Variants in MIB2 observed in about 807,000 individuals in gnomAD.
MIB2 encodes the protein E3 ubiquitin-protein ligase MIB2.
A neutral mutation model predicts 96.6 loss-of-function variants in MIB2; 78 were observed. That is an observed-to-expected ratio of 0.81 (90% CI 0.67 to 0.97). The LOEUF (loss-of-function observed/expected upper bound fraction) is 0.97, where lower values mean the gene tolerates loss of function less well. Ranked by LOEUF, MIB2 falls within the 50% of genes least tolerant of loss-of-function variation. The probability of loss-of-function intolerance (pLI) is 0.00; values close to 1 mark genes in which losing one functional copy is unlikely to be tolerated. For synonymous variants in MIB2, 820 were observed against 629.5 expected, an observed-to-expected ratio of 1.30 and a Z score of -4.53; for missense variants, 1,543 against 1,424.0, an observed-to-expected ratio of 1.08 and a Z score of -1.35.
chr1:1,627,412 G>A lies in MIB2; in HGVS notation c.1491G>A (p.Glu497=). ...ARAGVDLPDD[E]GNTALHYAAL... is the part of the protein sequence containing the mutation. ...CGGGCGTGGACCTGCCGGACGACGA[G>A]GGCAACACGGCACTGCACTACGCGG... Residue 497 remains glutamate, a synonymous_variant, in exon 12 of 20, where the codon GAG becomes GAA. Coordinates refer to ENST00000355826, the MANE Select transcript of MIB2 (RefSeq NM_001170687.4). 1 of 1,612,830 alleles carries A rather than the reference G, an allele frequency of 6.2e-7. No homozygotes were observed. The highest frequency in any genetic ancestry group is 8.5e-7 in the Non-Finnish European group (1 of 1,179,894).
intron 1 of MIB2, 47 bp downstream of exon 1, chr1:1,615,680 C>T (rs1437265256): frequency 5.2e-6 from 8 of 1,534,116 alleles, no homozygotes; most frequent in African/African-American, 2.8e-5. Context: ...GCACCGTCCC[C>T]GAGTCGTTCT....
At chr1:1,615,911 G>A in intron 1 of MIB2, 2 of 1,005,876 alleles carry the variant, frequency 2.0e-6, no homozygotes, top group South Asian at 9.3e-5. Context: ...CGGCGCTGGG[G>A]TCGTCGTCCG....
At chr1:1,630,122 C>G (rs1266677531) in intron 19 of MIB2, among the ~76,000 whole-genome samples, 170 bp from the exon 20 acceptor site, 11 of 150,378 alleles carry the variant, frequency 7.3e-5, no homozygotes, top group African/African-American at 2.7e-4. Context: ...ACCTCCTGCC[C>G]GCACCCGGGC....
At position 1,625,845 on chromosome 1, in the gene MIB2, A is replaced by G; in HGVS notation, c.972+192A>G. ...GAGAAGAGGGGGTTGGGTGTGAAGG[A>G]ACCCAGAGGAGGGTATGTCTCTGGG... is the stretch of plus-strand genomic sequence containing the variant. On this transcript the variant is annotated intron_variant, in intron 8 of 19. Transcript: ENST00000355826. The surrounding 1 kb of genome is among the most constrained non-coding windows in gnomAD (Gnocchi z 5.0). The G allele has an allele frequency of 1.7e-6, 1 of 594,882 alleles. No individual in the cohort carries two copies. Among genetic ancestry groups the G allele is most frequent in the Non-Finnish European group, 3.0e-6 (1 of 333,140 alleles). The allele number at this position is 594,882 out of a possible 1,614,324, so 36.9% of individuals were successfully genotyped here.
In MIB2 at chr1:1,625,283, C is replaced by A; in HGVS notation, c.722-3C>A. ...CTGAGGCCTGGTCTGCCACCCTCCGCAGGCAAGCCGGCGGAGCTGCAGCGC... is the reference window on the plus strand; with the variant it reads ...CTGAGGCCTGGTCTGCCACCCTCCGAAGGCAAGCCGGCGGAGCTGCAGCGC... On this transcript the variant is annotated splice_region_variant and splice_polypyrimidine_tract_variant and intron_variant, in intron 6 of 19. Coordinates refer to ENST00000355826, the MANE Select transcript of MIB2 (RefSeq NM_001170687.4). This position sits in a 1 kb window ranked among gnomAD's most constrained non-coding sequence, Gnocchi z 5.0. 1 of 1,592,378 alleles carries A rather than the reference C, an allele frequency of 6.3e-7. No individual in the cohort carries two copies. Among genetic ancestry groups the A allele is most frequent in the Non-Finnish European group, 8.5e-7 (1 of 1,171,778 alleles).
rs781551819 is a variant in MIB2 at position 1,625,664 on chromosome 1, G to T, written c.972+11G>T. 4.5e-6 allele frequency: 7 copies of T among 1,549,940 alleles called. No individual in the cohort carries two copies. The highest frequency in any genetic ancestry group is 4.1e-5 in the African/African-American group (3 of 73,124). On this transcript the variant is annotated intron_variant, in intron 8 of 19. Coordinates refer to ENST00000355826, the MANE Select transcript of MIB2 (RefSeq NM_001170687.4). This position sits in a 1 kb window ranked among gnomAD's most constrained non-coding sequence, Gnocchi z 5.0. Reference sequence around the variant, plus strand: ...GGGGCGCTCACCAAGGTGCCGGGGGGGCTGGGCTGCGCCTCATCTGCTTGC... The same window carrying T: ...GGGGCGCTCACCAAGGTGCCGGGGGTGCTGGGCTGCGCCTCATCTGCTTGC...
Position 1,628,131 on chromosome 1 carries a change from G to T in MIB2, c.1793G>T (p.Ser598Ile), listed in dbSNP as rs1444972448. The T allele has an allele frequency of 6.2e-7, 1 of 1,613,390 alleles. No homozygotes were observed. The highest frequency in any genetic ancestry group is 8.5e-7 in the Non-Finnish European group (1 of 1,180,004). Residue 598 changes from serine (S) to isoleucine (I), a missense_variant, in exon 14 of 20, where the codon AGC becomes ATC. Transcript: ENST00000355826. ...VPNIDVTATN[S>I]QGFTLLHHAS... is the part of the protein sequence containing the mutation. Reference sequence around the variant, plus strand: ...AACATCGATGTTACCGCCACCAACAGCCAGGGTTTCACCCTGCTGCACCAT... The same window carrying T: ...AACATCGATGTTACCGCCACCAACATCCAGGGTTTCACCCTGCTGCACCAT...
rs1193104095 is a variant in MIB2, at chr1:1,615,525, C to A, written c.-238C>A. The A allele has an allele frequency of 6.5e-7, 1 of 1,532,292 alleles. No individual in the cohort carries two copies. Among genetic ancestry groups the A allele is most frequent in the East Asian group, 2.5e-5 (1 of 40,396 alleles). The allele number at this position is 1,532,292 out of a possible 1,614,324, so 94.9% of individuals were successfully genotyped here. A position where few individuals can be genotyped will look rare whatever the true frequency, so the allele number is the denominator to read the frequency against. On this transcript the variant is annotated 5_prime_UTR_variant, in exon 1 of 20. Transcript: ENST00000355826. Reference sequence around the variant, plus strand: ...GCCCTTCGGGTCCCACAGTTTCCAGCCGCCGCTCTCCTCAGTGCCCGGTGG... The same window carrying A: ...GCCCTTCGGGTCCCACAGTTTCCAGACGCCGCTCTCCTCAGTGCCCGGTGG...
At chr1:1,629,031 T>TA (rs1043905688) in intron 16 of MIB2, 102 bp from the exon 17 acceptor site, 2 of 1,250,634 alleles carry the variant, frequency 1.6e-6, no homozygotes, top group African/African-American at 1.6e-5. Context: ...CCTTGTATTT[T>TA]AGACATGGGG....
Position 1,625,429 on chromosome 1 carries a change from G to T in MIB2, c.864+1G>T. The T allele has an allele frequency of 6.4e-7, 1 of 1,564,840 alleles. No individual in the cohort carries two copies. Among genetic ancestry groups the T allele is most frequent in the African/African-American group, 1.4e-5 (1 of 73,704 alleles). ...CGGCTGGAACCCCAGGATGGCGGAG[G>T]TGAGCCGCCCCGCCGTGGAGCCCTG... On this transcript the variant is annotated splice_donor_variant, in intron 7 of 19. Coordinates refer to ENST00000355826, the MANE Select transcript of MIB2 (RefSeq NM_001170687.4). LOFTEE classifies it high-confidence loss of function. This position sits in a 1 kb window ranked among gnomAD's most constrained non-coding sequence, Gnocchi z 5.0.
intron 19 of MIB2, 71 bp from the exon 20 acceptor site, chr1:1,630,221 C>A (rs1343637049): frequency 5.8e-6 from 2 of 342,972 alleles, no homozygotes; most frequent in East Asian, 1.3e-4. Context: ...CAGCCTCGCC[C>A]CCCCGCAGCT....
At chr1:1,616,010 G>C in intron 1 of MIB2, 1 of 984,670 alleles carries the variant, frequency 1.0e-6, no homozygotes, top group South Asian at 4.7e-5. Flanking sequence ...CTCGAACGCC[G>C]GGACAGACCG....
Position 1,628,145 on chromosome 1 carries a change from C to G in MIB2, c.1807C>G (p.Leu603Val). ...VTATNSQGFT[L>V]LHHASLKGHA... ...CGCCACCAACAGCCAGGGTTTCACC[C>G]TGCTGCACCATGCCTCCCTCAAGGG... Residue 603 changes from leucine to valine, a missense_variant, in exon 14 of 20, where the codon CTG (leucine) becomes GTG (valine). By Grantham distance (32) the Leu-to-Val change is conservative (BLOSUM62 1). Coordinates refer to ENST00000355826, the MANE Select transcript of MIB2 (RefSeq NM_001170687.4). 2 of 1,613,442 alleles carry G rather than the reference C, an allele frequency of 1.2e-6. No individual in the cohort carries two copies. The highest frequency in any genetic ancestry group is 3.3e-4 in the Middle Eastern group (2 of 6,060).
chr1:1,619,409 C>A (rs985401920), intron 2 of MIB2, among the ~76,000 whole-genome samples: 1 of 152,222 alleles, frequency 6.6e-6, no homozygotes, highest in Non-Finnish European at 1.5e-5. Flanking sequence ...TCCAGAGGGT[C>A]CAGGATACTG....
At chr1:1,627,855 GC>G (rs1213910167) in intron 13 of MIB2, 26 bp downstream of exon 13, 2 of 1,590,128 alleles carry the variant, frequency 1.3e-6, no homozygotes, top group Non-Finnish European at 1.7e-6. Flanking sequence ...TGGCCTGGGT[GC>G]CCCCTGCCCG....
In MIB2 at chr1:1,624,801, A is replaced by C; in HGVS notation, c.426A>C (p.Thr142=). The C allele has an allele frequency of 1.2e-6, 2 of 1,612,698 alleles. No homozygotes were observed. The highest frequency in any genetic ancestry group is 1.7e-6 in the Non-Finnish European group (2 of 1,179,888). ...RYETAHSRPV[T]LSPRQGLPRI... ...TTTGTGAACCCTCTTGCAGTGTCACACTGAGTCCCCGCCAGGGCCTCCCGA... is the reference window on the plus strand; with the variant it reads ...TTTGTGAACCCTCTTGCAGTGTCACCCTGAGTCCCCGCCAGGGCCTCCCGA... Residue 142 remains threonine (T), a synonymous_variant, in exon 5 of 20, where the codon ACA becomes ACC. Coordinates refer to ENST00000355826, the MANE Select transcript of MIB2 (RefSeq NM_001170687.4).
rs771797167 is a variant in MIB2 at position 1,625,137 on chromosome 1, G to T, written c.673G>T (p.Gly225Cys). The T allele has an allele frequency of 1.3e-5, 21 of 1,612,932 alleles. No individual in the cohort carries two copies. Among genetic ancestry groups the T allele is most frequent in the Non-Finnish European group, 1.8e-5 (21 of 1,179,756 alleles). Residue 225 changes from glycine to cysteine, a missense_variant, in exon 6 of 20, where the codon GGC becomes TGC. Transcript: ENST00000355826. This position sits in a 1 kb window ranked among gnomAD's most constrained non-coding sequence, Gnocchi z 5.0. ...HKGKVDLKCV[G>C]EAAGGFYYKD... ...GGGCAAGGTGGACCTCAAGTGTGTG[G>T]GCGAGGCAGCGGGCGGCTTCTACTA... is the stretch of plus-strand genomic sequence containing the variant.
chr1:1,630,081 C>T (rs1638538682), intron 19 of MIB2, among the ~76,000 whole-genome samples: 1 of 149,414 alleles, frequency 6.7e-6, no homozygotes, highest in South Asian at 2.2e-4. Context: ...CTCCAGCCCG[C>T]ACACCACCTT....
chr1:1,615,859 C>T (rs1273876606), intron 1 of MIB2: 1 of 1,180,890 alleles, frequency 8.5e-7, no homozygotes, highest in Non-Finnish European at 1.0e-6. Context: ...GACTCCAGCT[C>T]CCGGCAGGCC....
Sources: gnomAD v4.1 joint callset for allele counts (sites outside exome capture counted in the v4.1 genomes callset) on GRCh38, gnomAD v4.1.1 for gene constraint, Gnocchi (gnomAD v3.1) non-coding constraint, MANE v1.5 for transcripts, NCBI Gene and HGNC (gene_info 2026-07-23, HGNC 2026-07-21) for gene names.